NAE1: variants seen among roughly 807,000 people sequenced by gnomAD.
The protein encoded by NAE1 is NEDD8-activating enzyme E1 regulatory subunit.
A neutral mutation model predicts 88.0 loss-of-function variants in NAE1; 59 were observed. The ratio of observed to expected loss-of-function variants is 0.67; its 90% CI spans 0.54 to 0.83. The LOEUF (loss-of-function observed/expected upper bound fraction) is 0.83. NAE1 is among the 40% of genes least tolerant of loss of function. The pLI is 0.00. For missense variants in NAE1, 554 were observed against 632.8 expected (o/e 0.88, Z 1.34); for synonymous variants, 186 against 208.9 (o/e 0.89, Z 0.95).
rs375771532 is a variant in NAE1, at chr16:66,813,694, G to T, written c.904C>A (p.Pro302Thr). 7 of 1,610,860 alleles carry T rather than the reference G, an allele frequency of 4.3e-6. No homozygotes were observed. In the African/African-American group the frequency reaches 5.3e-5, roughly 12 times the overall value. ...DRCINITKQT[P>T]SFWILARALK... ...GCACGAGCTAAAATCCAAAATGATG[G>T]AGTCTAAAAGAATAAGAAAAAATTA... The change falls in exon 13 of 20, where the codon CCA becomes ACA. Residue 302 changes from proline to threonine, a missense_variant. Transcript: ENST00000290810.
At chr16:66,812,513 CTTT>C (rs961953416) in intron 13 of NAE1, among the ~76,000 whole-genome samples, 8 of 103,672 alleles carry the variant, frequency 7.7e-5, no homozygotes, top group African/African-American at 1.9e-4. Context: ...CCCCTAAGTT[CTTT>C]TTTTTTTTTT....
intron 4 of NAE1, chr16:66,824,472 G>C (rs1189844229): frequency 6.4e-6 from 1 of 155,898 alleles, no homozygotes; most frequent in East Asian, 1.9e-4. Flanking sequence ...GGCGCCTGTA[G>C]TCTCAGCTAC....
At chr16:66,811,482 C>T (rs1959796225) in intron 13 of NAE1, among the ~76,000 whole-genome samples, 1 of 152,088 alleles carries the variant, frequency 6.6e-6, no homozygotes, top group South Asian at 2.1e-4. Flanking sequence ...GATAAACATG[C>T]TCTACCTCTG....
Position 66,830,901 on chromosome 16 carries a change from G to T in NAE1, c.-2C>A, listed in dbSNP as rs778598437. 1.4e-5 allele frequency: 22 copies of T among 1,531,574 alleles called. 1 individual carries two copies. In the South Asian group the frequency reaches 2.6e-4, roughly 18 times the overall value. 94.9% of individuals were successfully genotyped at this position (1,531,574 alleles called of 1,614,324 possible). A position where few individuals can be genotyped will look rare whatever the true frequency, so the allele number is the denominator to read the frequency against. On this transcript the variant is annotated 5_prime_UTR_variant, in exon 1 of 20. Coordinates refer to ENST00000290810, the MANE Select transcript of NAE1 (RefSeq NM_003905.4). Reference sequence around the variant, plus strand: ...GAGCAGCTTTCCCAGCTGCGCCATGGCCGCGCCTGCCGCGCGGAAAACAGC... The same window carrying T: ...GAGCAGCTTTCCCAGCTGCGCCATGTCCGCGCCTGCCGCGCGGAAAACAGC...
At position 66,802,986 on chromosome 16, in the gene NAE1, A is replaced by G; in HGVS notation, c.*23T>C. The G allele has an allele frequency of 7.0e-7, 1 of 1,421,114 alleles. No individual in the cohort carries two copies. Among genetic ancestry groups the G allele is most frequent in the Non-Finnish European group, 1.0e-6 (1 of 1,004,932 alleles). The allele number at this position is 1,421,114 out of a possible 1,614,324, so 88.0% of individuals were successfully genotyped here. A position where few individuals can be genotyped will look rare whatever the true frequency, so the allele number is the denominator to read the frequency against. ...CAATTACAGTTTCAATCATTAACAC[A>G]CTACTTAAGGTGCTTGCTTACTCTA... is the stretch of plus-strand genomic sequence containing the variant. On this transcript the variant is annotated 3_prime_UTR_variant, in exon 20 of 20. Transcript: ENST00000290810.
intron 8 of NAE1, 46 bp downstream of exon 8, chr16:66,818,482 A>C: frequency 6.9e-7 from 1 of 1,459,822 alleles, no homozygotes; most frequent in Middle Eastern, 1.8e-4. Context: ...GGTTAAAAAA[A>C]TGTTTTAAGT....
intron 1 of NAE1, among the ~76,000 whole-genome samples, chr16:66,828,541 G>C (rs907883985): frequency 6.6e-6 from 1 of 151,516 alleles, no homozygotes; most frequent in Non-Finnish European, 1.5e-5. Context: ...GTGAGATAGT[G>C]TGTGTGCCTG....
Position 66,815,655 on chromosome 16 carries a change from GCAAA to G in NAE1, c.840+922_840+925del, listed in dbSNP as rs1333844085. On this transcript the variant is annotated intron_variant, in intron 11 of 19. Transcript: ENST00000290810. ...AGGTGTGAGCCACCACACCTGGCCA[GCAAA>G]CACTTTTTTTTTTTTTTTTGAGACA... is the stretch of plus-strand genomic sequence containing the variant. Among the ~76,000 whole-genome samples the G allele has an allele frequency of 7.5e-5, 11 of 147,308 alleles. No individual in the cohort carries two copies. In the East Asian group the frequency reaches 2.1e-3, roughly 28 times the overall value.
chr16:66,830,780 C>A lies in NAE1; in HGVS notation c.53+67G>T. 3 of 1,448,318 alleles carry A rather than the reference C, an allele frequency of 2.1e-6. No individual in the cohort carries two copies. In the South Asian group the frequency reaches 3.8e-5, roughly 18 times the overall value. 89.7% of individuals were successfully genotyped at this position (1,448,318 alleles called of 1,614,324 possible). A position where few individuals can be genotyped will look rare whatever the true frequency, so the allele number is the denominator to read the frequency against. ...GAAGGCCCGACCGCGCCGCCCGCGC[C>A]CTTAGGCCCGGCCCGAATGCTGGAA... On this transcript the variant is annotated intron_variant, in intron 1 of 19. Coordinates refer to ENST00000290810, the MANE Select transcript of NAE1 (RefSeq NM_003905.4).
chr16:66,808,094 G>A (rs1255590816), intron 17 of NAE1, among the ~76,000 whole-genome samples: 1 of 152,038 alleles, frequency 6.6e-6, no homozygotes, highest in Non-Finnish European at 1.5e-5. Context: ...GTTCCACCAT[G>A]TTGCCCACGC....
Position 66,813,607 on chromosome 16 carries a change from C to T in NAE1, c.991G>A (p.Asp331Asn). 6.2e-7 allele frequency: 1 copy of T among 1,613,880 alleles called. No individual in the cohort carries two copies. The highest frequency in any genetic ancestry group is 8.5e-7 in the Non-Finnish European group (1 of 1,179,906). The change falls in exon 13 of 20, where the codon GAT (aspartate) becomes AAT (asparagine). Residue 331 changes from aspartate to asparagine, a missense_variant. Transcript: ENST00000290810. ...GNLPVRGTIPDMIADSGKYIK... is the reference protein window; with the variant it reads ...GNLPVRGTIPNMIADSGKYIK... ...TATTTGCCTGAATCTGCAATCATAT[C>T]AGGAATTGTGCCTCGAACAGGTAAA...
rs1365714330 is a variant in NAE1 at position 66,818,565 on chromosome 16, T to C, written c.584A>G (p.His195Arg). The C allele has an allele frequency of 6.2e-7, 1 of 1,613,120 alleles. No individual in the cohort carries two copies. Among genetic ancestry groups the C allele is most frequent in the South Asian group, 1.1e-5 (1 of 90,954 alleles). The change falls in exon 8 of 20, where the codon CAT (histidine) becomes CGT (arginine). Residue 195 changes from histidine to arginine, a missense_variant. By Grantham distance (29) the His-to-Arg change is conservative (BLOSUM62 0). Coordinates refer to ENST00000290810, the MANE Select transcript of NAE1 (RefSeq NM_003905.4). ...LDKPFPELRE[H>R]FQSYDLDHME... ...ATGATCCAAATCATAGGACTGAAAATGTTCTCTCAGTTCAGGAAATGGCTT... is the reference window on the plus strand; with the variant it reads ...ATGATCCAAATCATAGGACTGAAAACGTTCTCTCAGTTCAGGAAATGGCTT...
chr16:66,814,490 G>C (rs1224060410), intron 11 of NAE1, among the ~76,000 whole-genome samples: 2 of 151,802 alleles, frequency 1.3e-5, no homozygotes, highest in Non-Finnish European at 2.9e-5. Flanking sequence ...CTACTTGGGA[G>C]GCTGAGGTGG....
At chr16:66,806,884 A>C (rs1959587710) in intron 17 of NAE1, among the ~76,000 whole-genome samples, 3 of 152,226 alleles carry the variant, frequency 2.0e-5, no homozygotes, top group Non-Finnish European at 2.9e-5. Flanking sequence ...TTAGCTCATA[A>C]GTGATGCTGT....
At chr16:66,827,117 T>C (rs1960490312) in intron 1 of NAE1, among the ~76,000 whole-genome samples, 1 of 152,108 alleles carries the variant, frequency 6.6e-6, no homozygotes, top group Non-Finnish European at 1.5e-5. Flanking sequence ...CTCATCTGTT[T>C]TCTATTTCAT....
intron 16 of NAE1, 116 bp downstream of exon 16, chr16:66,808,871 AAT>A (rs1351047823): frequency 1.3e-5 from 9 of 678,682 alleles, no homozygotes; most frequent in South Asian, 8.1e-5. Context: ...ATAAAATTAG[AAT>A]ATGTTTACGT....
intron 9 of NAE1, 164 bp from the exon 10 acceptor site, chr16:66,817,192 T>C (rs915190068): frequency 2.4e-5 from 24 of 987,058 alleles, no homozygotes; most frequent in Middle Eastern, 3.1e-4. Context: ...TGACCATTTA[T>C]CTACATTCAT....
rs1390193382 is a variant in NAE1 at position 66,810,782 on chromosome 16, A to C, written c.1035-10T>G. On this transcript the variant is annotated splice_polypyrimidine_tract_variant and intron_variant, in intron 13 of 19. Coordinates refer to ENST00000290810, the MANE Select transcript of NAE1 (RefSeq NM_003905.4). ...TGCTTTTTCACGGTAACTAAAAAAG[A>C]ATAAAAAGCAATTACTAACAAATTT... is the stretch of plus-strand genomic sequence containing the variant. 6.2e-7 allele frequency: 1 copy of C among 1,610,574 alleles called. No individual in the cohort carries two copies. The highest frequency in any genetic ancestry group is 1.1e-5 in the South Asian group (1 of 90,314).
chr16:66,828,043 G>A (rs768228221), intron 1 of NAE1: 3 of 1,613,746 alleles, frequency 1.9e-6, no homozygotes, highest in Admixed American at 3.3e-5. Flanking sequence ...GCTCCATAAG[G>A]GCCCAGACAG....
Sources: gnomAD v4.1 joint callset for allele counts (sites outside exome capture counted in the v4.1 genomes callset) on GRCh38, gnomAD v4.1.1 for gene constraint, MANE v1.5 for transcripts, NCBI Gene and HGNC (gene_info 2026-07-23, HGNC 2026-07-21) for gene names.